RBM6: variants seen among roughly 807,000 people sequenced by gnomAD.
RBM6 encodes the protein RNA binding motif protein 6, also known as RNA-binding protein 6.
A neutral mutation model predicts 140.4 loss-of-function variants in RBM6; 23 were observed. The observed-to-expected ratio is 0.16, with a 90% CI of 0.12 to 0.23. RBM6 has a LOEUF of 0.23. Ranked by LOEUF, RBM6 falls within the 10% of genes least tolerant of loss-of-function variation. The pLI is 1.00. For missense variants in RBM6, 1,139 were observed against 1,386.7 expected, an observed-to-expected ratio of 0.82 and a Z score of 2.84; for synonymous variants, 439 against 475.6, an observed-to-expected ratio of 0.92 and a Z score of 1.00.
chr3:50,017,000 A>G (rs2087200059), intron 6 of RBM6, among the ~76,000 whole-genome samples: 1 of 151,732 alleles, frequency 6.6e-6, no homozygotes, highest in South Asian at 2.1e-4. Context: ...TAACTTTTGT[A>G]TTTTTAGTAG....
At chr3:50,036,620 C>T (rs981261221) in intron 6 of RBM6, among the ~76,000 whole-genome samples, 7 of 152,060 alleles carry the variant, frequency 4.6e-5, no homozygotes, top group African/African-American at 1.7e-4. Context: ...CTAATTTAAC[C>T]ATAGCATGTC....
Position 50,075,279 on chromosome 3 carries a change from G to T in RBM6, c.3195G>T (p.Arg1065Ser). Residue 1065 changes from arginine to serine, a missense_variant, in exon 20 of 21, where the codon AGG (arginine) becomes AGT (serine). This residue lies in a region of RBM6 where 125 missense variants were observed against 142.0 expected (regional missense o/e 0.88). Coordinates refer to ENST00000266022, the MANE Select transcript of RBM6 (RefSeq NM_005777.3). ...GTGTCCAACAGGCTACTGGCTGGAGGAAAGGGACAGGCCTGGGATATGGCC... is the reference window on the plus strand; with the variant it reads ...GTGTCCAACAGGCTACTGGCTGGAGTAAAGGGACAGGCCTGGGATATGGCC... ...GGCVQQATGWRKGTGLGYGHP... is the reference protein window; with the variant it reads ...GGCVQQATGWSKGTGLGYGHP... The T allele has an allele frequency of 6.2e-7, 1 of 1,614,220 alleles. No individual in the cohort carries two copies. Among genetic ancestry groups the T allele is most frequent in the Non-Finnish European group, 8.5e-7 (1 of 1,180,034 alleles).
chr3:49,971,744 A>T (rs549851285), intron 3 of RBM6, among the ~76,000 whole-genome samples: 3 of 152,194 alleles, frequency 2.0e-5, no homozygotes, highest in Non-Finnish European at 4.4e-5. Context: ...CATGTTGGCT[A>T]GGCTGAGAAA....
chr3:50,020,418 T>G (rs2108792896), intron 6 of RBM6, among the ~76,000 whole-genome samples: 1 of 152,326 alleles, frequency 6.6e-6, no homozygotes, highest in African/African-American at 2.4e-5. Flanking sequence ...TTGATTTAAT[T>G]TGCTCTTTTA....
intron 18 of RBM6, among the ~76,000 whole-genome samples, chr3:50,069,506 T>TC (rs1248953931): frequency 3.0e-5 from 2 of 65,624 alleles, no homozygotes; most frequent in African/African-American, 1.2e-4. Context: ...AGACCTTGTC[T>TC]CAAAAAAAAA....
At chr3:49,969,777 T>C (rs1430613071) in intron 3 of RBM6, among the ~76,000 whole-genome samples, 1 of 151,324 alleles carries the variant, frequency 6.6e-6, no homozygotes, top group Non-Finnish European at 1.5e-5. Flanking sequence ...AGTTTTTTTT[T>C]TTTTCCTTTG....
rs555189008 is a variant in RBM6, at chr3:50,015,577, C to T, written c.1557+16064C>T. Among the ~76,000 whole-genome samples, 233 of 151,548 alleles carry T rather than the reference C, an allele frequency of 1.5e-3. 1 individual carries two copies. Among genetic ancestry groups the T allele is most frequent in the Non-Finnish European group, 2.9e-3 (200 of 67,864 alleles). On this transcript the variant is annotated intron_variant, in intron 6 of 20. Coordinates refer to ENST00000266022, the MANE Select transcript of RBM6 (RefSeq NM_005777.3). Reference sequence around the variant, plus strand: ...TCCTGAGTAGCTGGGACTACAGGCGCGTGCCACCACGCCCGGCTAATTTTT... The same window carrying T: ...TCCTGAGTAGCTGGGACTACAGGCGTGTGCCACCACGCCCGGCTAATTTTT...
At chr3:50,014,524 A>ATT (rs2087015574) in intron 6 of RBM6, among the ~76,000 whole-genome samples, 1 of 152,198 alleles carries the variant, frequency 6.6e-6, no homozygotes, top group Non-Finnish European at 1.5e-5. Flanking sequence ...AATATTGAAA[A>ATT]TGCAAGTGCA....
At chr3:49,994,575 T>A (rs17657664) in intron 5 of RBM6, among the ~76,000 whole-genome samples, 8 of 152,022 alleles carry the variant, frequency 5.3e-5, no homozygotes, top group African/African-American at 1.2e-4. Context: ...AGTTAAGACC[T>A]CTTCAATCTA....
intron 5 of RBM6, among the ~76,000 whole-genome samples, chr3:49,984,779 A>G (rs2085488245): frequency 1.3e-5 from 2 of 152,240 alleles, no homozygotes; most frequent in South Asian, 4.1e-4. Flanking sequence ...GGCAGTTGAT[A>G]AAGCCAAGAA....
chr3:49,998,279 A>G (rs1320175169), intron 5 of RBM6, among the ~76,000 whole-genome samples: 3 of 152,214 alleles, frequency 2.0e-5, no homozygotes, highest in African/African-American at 7.2e-5. Context: ...ATATTGATGC[A>G]GTGATATCAG....
intron 1 of RBM6, among the ~76,000 whole-genome samples, chr3:49,960,688 A>G (rs2084240539): frequency 6.6e-6 from 1 of 152,116 alleles, no homozygotes; most frequent in Admixed American, 6.6e-5. Context: ...CTTGAGTTAC[A>G]TGTCTGTCTT....
chr3:50,031,598 GA>G (rs558414612), intron 6 of RBM6, among the ~76,000 whole-genome samples: 51 of 151,922 alleles, frequency 3.4e-4, no homozygotes, highest in South Asian at 3.1e-3. Flanking sequence ...GGGGAGGGGG[GA>G]GTGATAGCAT....
intron 10 of RBM6, chr3:50,058,798 C>T (rs1039410656): frequency 1.1e-5 from 3 of 282,734 alleles, no homozygotes; most frequent in South Asian, 5.4e-5. Flanking sequence ...CGCCTGTAGT[C>T]GCAGCTACTC....
chr3:50,060,359 G>A (rs1184714043), intron 11 of RBM6, among the ~76,000 whole-genome samples: 1 of 152,118 alleles, frequency 6.6e-6, no homozygotes, highest in African/African-American at 2.4e-5. Context: ...AAATGGCCAT[G>A]TCAGAGAAAC....
rs540052332 is a variant in RBM6 at position 49,985,245 on chromosome 3, G to A, written c.1483+9853G>A. Among the ~76,000 whole-genome samples, 55 of 152,324 alleles carry A rather than the reference G, an allele frequency of 3.6e-4. 1 individual carries two copies. In the South Asian group the frequency reaches 6.4e-3, roughly 18 times the overall value. On this transcript the variant is annotated intron_variant, in intron 5 of 20. Transcript: ENST00000266022. ...AAGGGCTGCTTGACTCCCAGCTTCA[G>A]TCTAGGCAGGGGAATTTATTTATAC...
intron 5 of RBM6, among the ~76,000 whole-genome samples, chr3:49,994,041 T>C (rs2085953894): frequency 6.6e-6 from 1 of 152,200 alleles, no homozygotes; most frequent in Non-Finnish European, 1.5e-5. Flanking sequence ...TTTCCTAATT[T>C]TCGTAATTCG....
chr3:50,010,914 A>G (rs573004736), intron 6 of RBM6, among the ~76,000 whole-genome samples: 26 of 151,282 alleles, frequency 1.7e-4, no homozygotes, highest in African/African-American at 6.3e-4. Flanking sequence ...AAAAAAAAAA[A>G]AAAAAAAAAA....
chr3:50,074,223 C>G (rs1196624425), intron 19 of RBM6, among the ~76,000 whole-genome samples: 1 of 152,214 alleles, frequency 6.6e-6, no homozygotes, highest in African/African-American at 2.4e-5. Context: ...TTCTCTTACA[C>G]AAACTCCTTA....
Sources: gnomAD v4.1 joint callset for allele counts (sites outside exome capture counted in the v4.1 genomes callset) on GRCh38, gnomAD v4.1.1 for gene constraint, gnomAD v4.1.1 regional missense constraint, MANE v1.5 for transcripts, NCBI Gene and HGNC (gene_info 2026-07-23, HGNC 2026-07-21) for gene names.